ARID3A: variants seen among roughly 807,000 people sequenced by gnomAD.
ARID3A encodes AT-rich interaction domain 3A, also known as AT-rich interactive domain-containing protein 3A.
A neutral mutation model predicts 52.7 loss-of-function variants in ARID3A; 11 were observed. That is an observed-to-expected ratio of 0.21 (90% confidence interval 0.13 to 0.35). The LOEUF is 0.35. ARID3A is among the 10% of genes least tolerant of loss of function. The pLI, the probability that ARID3A is intolerant of heterozygous loss-of-function variation, is 1.00. For synonymous variants in ARID3A, 404 were observed against 359.4 expected (o/e 1.12, Z -1.40); for missense variants, 721 against 838.5 (o/e 0.86, Z 1.73).
At chr19:971,824 C>T (rs762887115) in intron 8 of ARID3A, 54 bp from the exon 9 acceptor site, 49 of 1,537,394 alleles carry the variant, frequency 3.2e-5, no homozygotes, top group African/African-American at 8.6e-5. Context: ...CCTTGTGGCC[C>T]GCCTCGCATC....
rs115277219 is a variant in ARID3A, at chr19:971,805, T to C, written c.1595-73T>C. On this transcript the variant is annotated intron_variant, in intron 8 of 8. Transcript: ENST00000263620. ...GAAGTTTATTCCCCGGAGCACCCCA[T>C]TGGGTCTCCCTTGTGGCCCGCCTCG... 2.1e-4 allele frequency: 316 copies of C among 1,502,300 alleles called. No individual in the cohort carries two copies. The African/African-American group carries it at 4.0e-3, about 19-fold the overall frequency. The allele number at this position is 1,502,300 out of a possible 1,614,324, so 93.1% of individuals were successfully genotyped here.
intron 3 of ARID3A, among the ~76,000 whole-genome samples, chr19:945,404 C>T: frequency 6.6e-6 from 1 of 152,058 alleles, no homozygotes; most frequent in East Asian, 2.0e-4. Flanking sequence ...CTGACCCAGC[C>T]CACCTCCGTC....
chr19:953,094 T>C (rs2037836265), intron 3 of ARID3A, among the ~76,000 whole-genome samples: 1 of 151,982 alleles, frequency 6.6e-6, no homozygotes, highest in Admixed American at 6.5e-5. Context: ...GCCGGTGGGC[T>C]GGGGAGGGGA....
intron 8 of ARID3A, among the ~76,000 whole-genome samples, chr19:969,505 C>T (rs755754589): frequency 1.3e-5 from 2 of 151,750 alleles, no homozygotes; most frequent in African/African-American, 2.4e-5. Flanking sequence ...CCATTGCACT[C>T]CAGCCTGGGT....
intron 6 of ARID3A, 103 bp downstream of exon 6, chr19:965,183 A>C: frequency 1.5e-6 from 2 of 1,345,734 alleles, no homozygotes; most frequent in Non-Finnish European, 2.0e-6. Context: ...ACCAGGATGA[A>C]AAACCCTATA....
chr19:960,237 C>T lies in ARID3A; in HGVS notation c.766+73C>T, dbSNP rs982497580. The T allele has an allele frequency of 7.0e-7, 1 of 1,427,082 alleles. No homozygotes were observed. The highest frequency in any genetic ancestry group is 1.4e-5 in the African/African-American group (1 of 69,634). 88.4% of individuals were successfully genotyped at this position (1,427,082 alleles called of 1,614,324 possible). ...GCTGTAGGAGGGGCCCTACTGGCTC[C>T]AGGTATGTCGGGGCGGTGGTGAGCA... On this transcript the variant is annotated intron_variant, in intron 4 of 8. Coordinates refer to ENST00000263620, the MANE Select transcript of ARID3A (RefSeq NM_005224.3). This position sits in a 1 kb window ranked among gnomAD's most constrained non-coding sequence, Gnocchi z 4.3.
chr19:955,021 G>A (rs998117382), intron 3 of ARID3A, among the ~76,000 whole-genome samples: 8 of 152,174 alleles, frequency 5.3e-5, no homozygotes, highest in African/African-American at 1.9e-4. Flanking sequence ...GGCTCCTGTG[G>A]GTGTGTGGTG....
chr19:965,436 A>T (rs1159370162), intron 6 of ARID3A, among the ~76,000 whole-genome samples: 2 of 151,878 alleles, frequency 1.3e-5, no homozygotes, highest in African/African-American at 4.8e-5. Context: ...TCCATAACAC[A>T]GAGGTACCAA....
In ARID3A at chr19:971,949, G is replaced by GCAGCAGCA. The variant is rs1555732474; in HGVS notation, c.1666_1667insCAGCAGCA (p.Gly556AlafsTer111). On this transcript the variant is annotated frameshift_variant, in exon 9 of 9. Coordinates refer to ENST00000263620, the MANE Select transcript of ARID3A (RefSeq NM_005224.3). LOFTEE classifies it low-confidence loss of function (END_TRUNC). The stretch of plus-strand genomic sequence containing the variant: ...CAACAAAGGAGGCGGCGGCGGCGGC[G>GCAGCAGCA]GCAGCAGCAGCAACGCAGGCGGCCG... 4 of 1,580,760 alleles carry GCAGCAGCA rather than the reference G, an allele frequency of 2.5e-6. No individual in the cohort carries two copies. Among genetic ancestry groups the GCAGCAGCA allele is most frequent in the African/African-American group, 2.8e-5 (2 of 71,998 alleles).
intron 2 of ARID3A, among the ~76,000 whole-genome samples, chr19:931,486 C>T (rs1211435977): frequency 6.0e-5 from 9 of 150,442 alleles, no homozygotes; most frequent in Admixed American, 6.0e-4. Flanking sequence ...CAAAACCTAG[C>T]AGCAAAGAAG....
In ARID3A at chr19:942,285, CCTGA is replaced by C. The variant is rs2037572942; in HGVS notation, c.693+9547_693+9550del. On this transcript the variant is annotated intron_variant, in intron 3 of 8. Transcript: ENST00000263620. The surrounding 1 kb of genome is among the most constrained non-coding windows in gnomAD (Gnocchi z 8.1). ...CAGGTCCCTTCGATGGCCCAAATTA[CCTGA>C]CTGTCGATCCTGACTGGGGCGGTGG... 1.3e-5 allele frequency among the ~76,000 whole-genome samples: 2 copies of C among 152,212 alleles called. No individual in the cohort carries two copies. Among genetic ancestry groups the C allele is most frequent in the South Asian group, 2.1e-4 (1 of 4,824 alleles).
chr19:926,221 C>G (rs905544057), intron 1 of ARID3A, among the ~76,000 whole-genome samples, 162 bp downstream of exon 1: 2 of 151,462 alleles, frequency 1.3e-5, no homozygotes, highest in Non-Finnish European at 3.0e-5. Context: ...GCGCGCTGGC[C>G]GTTCCCAGCG....
chr19:971,849 A>C lies in ARID3A; in HGVS notation c.1595-29A>C, dbSNP rs767603877. The C allele has an allele frequency of 5.7e-6, 9 of 1,581,456 alleles. No individual in the cohort carries two copies. The African/African-American group carries it at 9.7e-5, about 17-fold the overall frequency. On this transcript the variant is annotated intron_variant, in intron 8 of 8. Transcript: ENST00000263620. ...CGCCTCGCATCTTCTTAAACTCTGC[A>C]TGGCATATGTCTTCTGTTCTTGCCT...
At chr19:933,851 G>GC (rs1555726128) in intron 3 of ARID3A, among the ~76,000 whole-genome samples, 2 of 148,606 alleles carry the variant, frequency 1.3e-5, no homozygotes, top group East Asian at 2.0e-4. Context: ...CTCGGTGGGG[G>GC]GGGGGGGCGT....
rs1005069447 is a variant in ARID3A, at chr19:932,529, C to A, written c.480C>A (p.Gly160=). 1 of 1,519,336 alleles carries A rather than the reference C, an allele frequency of 6.6e-7. No individual in the cohort carries two copies. Among genetic ancestry groups the A allele is most frequent in the Non-Finnish European group, 8.8e-7 (1 of 1,137,904 alleles). 94.1% of individuals were successfully genotyped at this position (1,519,336 alleles called of 1,614,324 possible). ...EEEEEDEEGL[G]PPGPASLGTT... ...AGGAGGAGGACGAGGAGGGGCTGGGCCCCCCAGGCCCTGCCAGCTTGGGCA... is the reference window on the plus strand; with the variant it reads ...AGGAGGAGGACGAGGAGGGGCTGGGACCCCCAGGCCCTGCCAGCTTGGGCA... The change falls in exon 3 of 9, where the codon GGC becomes GGA. Residue 160 remains glycine, a synonymous_variant. Transcript: ENST00000263620.
In ARID3A at chr19:975,232, C is replaced by G. The variant is rs2038356210; in HGVS notation, c.*3167C>G. ...TGGGACCGTGGGGCCTGGCTGCGTA[C>G]TGAGTGGGTGCCCCACAGTCAAGGC... On this transcript the variant is annotated 3_prime_UTR_variant, in exon 9 of 9. Transcript: ENST00000263620. 1 of 231,762 alleles carries G rather than the reference C, an allele frequency of 4.3e-6. No individual in the cohort carries two copies. The allele number at this position is 231,762 out of a possible 1,614,324, so 14.4% of individuals were successfully genotyped here.
chr19:970,498 C>CTT lies in ARID3A; in HGVS notation c.1595-1354_1595-1353dup, dbSNP rs1177419405. On this transcript the variant is annotated intron_variant, in intron 8 of 8. Coordinates refer to ENST00000263620, the MANE Select transcript of ARID3A (RefSeq NM_005224.3). ...GAACATAAGTAAATGAATAGTTTTT[C>CTT]TTTTTTTTTTTTTTTTTTTTTTTTT... 2.5e-3 allele frequency among the ~76,000 whole-genome samples: 218 copies of CTT among 88,352 alleles called. 5 individuals are homozygous for CTT. Among genetic ancestry groups the CTT allele is most frequent in the East Asian group, 6.1e-3 (21 of 3,448 alleles). The allele number at this position is 88,352 out of a possible 152,430, so 58.0% of individuals were successfully genotyped here. A position where few individuals can be genotyped will look rare whatever the true frequency, so the allele number is the denominator to read the frequency against.
At chr19:962,928 C>G (rs908133531) in intron 4 of ARID3A, among the ~76,000 whole-genome samples, 4 of 152,202 alleles carry the variant, frequency 2.6e-5, no homozygotes, top group Admixed American at 2.6e-4. Context: ...AAACCCGGCG[C>G]GGCTCCTCTC....
At position 972,791 on chromosome 19, in the gene ARID3A, GAAAAAAAAGCAAAAAAAA is replaced by G. The variant is rs2038306287; in HGVS notation, c.*735_*752del. On this transcript the variant is annotated 3_prime_UTR_variant, in exon 9 of 9. Transcript: ENST00000263620. ...AGGGAAACTGGTCTTGAAAAAGCAAGAAAAAAAAGCAAAAAAAAAAAAAAAAAAAAAAAAAAAAAACTC... is the reference window on the plus strand; with the variant it reads ...AGGGAAACTGGTCTTGAAAAAGCAAGAAAAAAAAAAAAAAAAAAAAAACTC... The G allele has an allele frequency of 3.8e-5, 1 of 26,166 alleles. No homozygotes were observed. Among genetic ancestry groups the G allele is most frequent in the Non-Finnish European group, 6.7e-5 (1 of 14,996 alleles). 1.6% of individuals were successfully genotyped at this position (26,166 alleles called of 1,614,324 possible). A position where few individuals can be genotyped will look rare whatever the true frequency, so the allele number is the denominator to read the frequency against.
Sources: gnomAD v4.1 joint callset for allele counts (sites outside exome capture counted in the v4.1 genomes callset) on GRCh38, gnomAD v4.1.1 for gene constraint, Gnocchi (gnomAD v3.1) non-coding constraint, MANE v1.5 for transcripts, NCBI Gene and HGNC (gene_info 2026-07-23, HGNC 2026-07-21) for gene names.